The following EYS variants were observed in gnomAD, a reference collection of about 807,000 sequenced individuals.
The protein encoded by EYS is EGF-like photoreceptor maintenance factor, also known as protein eyes shut homolog.
A neutral mutation model predicts 282.1 loss-of-function variants in EYS; 250 were observed. That is an observed-to-expected ratio of 0.89 (90% CI 0.80 to 0.98). The LOEUF is 0.98. Ranked by LOEUF, EYS falls within the 50% of genes least tolerant of loss-of-function variation. The pLI, the probability that EYS is intolerant of heterozygous loss-of-function variation, is 0.00. For synonymous variants in EYS, 1,355 were observed against 1,282.9 expected (o/e 1.06, Z -1.20); for missense variants, 4,016 against 3,709.0 (o/e 1.08, Z -2.15).
chr6:65,486,260 A>G (rs1765778924), intron 5 of EYS, among the ~76,000 whole-genome samples: 1 of 152,190 alleles, frequency 6.6e-6, no homozygotes, highest in Non-Finnish European at 1.5e-5. Context: ...TTGTGACAAA[A>G]CTATTATTGA....
chr6:64,917,999 G>A (rs894919735), intron 15 of EYS, among the ~76,000 whole-genome samples: 1 of 151,922 alleles, frequency 6.6e-6, no homozygotes, highest in Non-Finnish European at 1.5e-5. Context: ...TTTTTTTAAT[G>A]AGCTACCGAA....
At chr6:64,860,785 A>C (rs1009736676) in intron 19 of EYS, among the ~76,000 whole-genome samples, 2 of 152,318 alleles carry the variant, frequency 1.3e-5, no homozygotes, top group South Asian at 4.1e-4. Context: ...AGAGGTAGGT[A>C]GACAAGTGGA....
intron 14 of EYS, among the ~76,000 whole-genome samples, chr6:64,976,614 A>G (rs1770482551): frequency 6.6e-6 from 1 of 151,950 alleles, no homozygotes; most frequent in African/African-American, 2.4e-5. Flanking sequence ...AACCACCTTG[A>G]AATGCTCCAC....
chr6:64,791,780 T>C (rs1239287450), intron 22 of EYS, among the ~76,000 whole-genome samples: 2 of 151,878 alleles, frequency 1.3e-5, no homozygotes, highest in Non-Finnish European at 3.0e-5. Context: ...AAGGAAAAAT[T>C]ATGCTATGTC....
chr6:63,790,532 G>T (rs1770482897), intron 37 of EYS, among the ~76,000 whole-genome samples: 1 of 152,168 alleles, frequency 6.6e-6, no homozygotes, highest in Non-Finnish European at 1.5e-5. Context: ...GGGAACTTAT[G>T]GCAAGTCTCT....
At chr6:65,568,517 A>T in intron 2 of EYS, among the ~76,000 whole-genome samples, 1 of 152,132 alleles carries the variant, frequency 6.6e-6, no homozygotes, top group East Asian at 1.9e-4. Flanking sequence ...CTATTTAAAC[A>T]ATTAAATAAA....
At chr6:64,006,842 C>A (rs1206614014) in intron 33 of EYS, among the ~76,000 whole-genome samples, 1 of 152,038 alleles carries the variant, frequency 6.6e-6, no homozygotes, top group African/African-American at 2.4e-5. Context: ...AAGGATAGAG[C>A]CTACTTGGTC....
intron 30 of EYS, among the ~76,000 whole-genome samples, chr6:64,234,782 A>G (rs1766530734): frequency 6.6e-6 from 1 of 152,160 alleles, no homozygotes; most frequent in African/African-American, 2.4e-5. Flanking sequence ...TTTCATATAA[A>G]TAAAATCAGA....
intron 8 of EYS, among the ~76,000 whole-genome samples, chr6:65,356,034 T>A (rs1176746503): frequency 6.6e-6 from 1 of 152,060 alleles, no homozygotes; most frequent in African/African-American, 2.4e-5. Context: ...ACAAGTATGC[T>A]TAGATTCATT....
chr6:65,517,194 G>A (rs1009373603), intron 2 of EYS, among the ~76,000 whole-genome samples: 6 of 151,606 alleles, frequency 4.0e-5, no homozygotes, highest in Non-Finnish European at 8.8e-5. Context: ...TATATCTAAG[G>A]ATATTATATT....
chr6:64,421,862 TG>T (rs1774246200), intron 28 of EYS, among the ~76,000 whole-genome samples: 1 of 117,330 alleles, frequency 8.5e-6, no homozygotes, highest in African/African-American at 4.0e-5. Flanking sequence ...GTTTGGGGGG[TG>T]TGTGTGTGTG....
intron 37 of EYS, among the ~76,000 whole-genome samples, chr6:63,795,683 A>T (rs1770628409): frequency 6.6e-6 from 1 of 152,156 alleles, no homozygotes; most frequent in African/African-American, 2.4e-5. Context: ...TACTATTTAT[A>T]CTGGTAGTTC....
At chr6:65,231,615 C>G (rs764698403) in intron 12 of EYS, among the ~76,000 whole-genome samples, 10 of 151,666 alleles carry the variant, frequency 6.6e-5, no homozygotes, top group Non-Finnish European at 1.3e-4. Context: ...AATGTGCTAT[C>G]AAGGTTTGAG....
intron 2 of EYS, among the ~76,000 whole-genome samples, chr6:65,529,538 C>G (rs1767685583): frequency 6.6e-6 from 1 of 152,158 alleles, no homozygotes; most frequent in African/African-American, 2.4e-5. Context: ...ATTACTCCCC[C>G]TGAAGCAATA....
At chr6:65,179,336 G>A (rs1426977808) in intron 12 of EYS, among the ~76,000 whole-genome samples, 1 of 151,318 alleles carries the variant, frequency 6.6e-6, no homozygotes, top group Non-Finnish European at 1.5e-5. Flanking sequence ...ATAAAGAAGA[G>A]AGAAGAATCA....
rs760468671 is a variant in EYS at position 65,353,656 on chromosome 6, T to A, written c.1300-39A>T. On this transcript the variant is annotated intron_variant, in intron 8 of 42. Coordinates refer to ENST00000503581, the MANE Select transcript of EYS (RefSeq NM_001142800.2). The stretch of plus-strand genomic sequence containing the variant: ...ACAAGGAAAAATGGTAAATTCTTTT[T>A]TGATATATTTTTCAATATATACATA... The A allele has an allele frequency of 2.0e-5, 31 of 1,566,526 alleles. No homozygotes were observed. In the South Asian group the frequency reaches 3.0e-4, roughly 15 times the overall value.
chr6:64,426,851 CT>C (rs2150456595), intron 28 of EYS, among the ~76,000 whole-genome samples: 1 of 152,234 alleles, frequency 6.6e-6, no homozygotes, highest in Admixed American at 6.5e-5. Flanking sequence ...TGAACTCTGA[CT>C]TTTTAAGAAT....
At chr6:65,137,344 T>TA (rs1166949666) in intron 12 of EYS, among the ~76,000 whole-genome samples, 2 of 152,008 alleles carry the variant, frequency 1.3e-5, no homozygotes. Flanking sequence ...AGCCAAATGT[T>TA]AAAAGGCCCT....
At chr6:64,959,618 T>A (rs1769846758) in intron 14 of EYS, among the ~76,000 whole-genome samples, 2 of 152,194 alleles carry the variant, frequency 1.3e-5, no homozygotes, top group African/African-American at 4.8e-5. Flanking sequence ...CAATTGGTCA[T>A]AACTGGTCTT....
Sources: allele counts gnomAD v4.1 joint callset (sites outside exome capture counted in the v4.1 genomes callset), GRCh38; gene constraint gnomAD v4.1.1; transcripts MANE v1.5; gene names NCBI Gene and HGNC (gene_info 2026-07-23, HGNC 2026-07-21).